Variants in CTNND2 observed in about 807,000 individuals in gnomAD.
The protein encoded by CTNND2 is catenin delta 2.
A neutral mutation model predicts 144.4 loss-of-function variants in CTNND2; 22 were observed. That is an observed-to-expected ratio of 0.15 (90% confidence interval 0.11 to 0.22). The LOEUF (loss-of-function observed/expected upper bound fraction) is 0.22, where lower values mean the gene tolerates loss of function less well. CTNND2 is among the 10% of genes least tolerant of loss of function. CTNND2 has a pLI of 1.00. For missense variants in CTNND2, 1,353 were observed against 1,618.8 expected (o/e 0.84, Z 2.82); for synonymous variants, 751 against 695.6 (o/e 1.08, Z -1.25).
chr5:11,364,957 GACA>G, intron 7 of CTNND2, 67 bp from the exon 8 acceptor site: 1 of 1,387,194 alleles, frequency 7.2e-7, no homozygotes. Context: ...TTTAATCAAA[GACA>G]TATTCAAATT....
At chr5:11,723,822 C>T (rs1017204046) in intron 2 of CTNND2, among the ~76,000 whole-genome samples, 4 of 151,730 alleles carry the variant, frequency 2.6e-5, no homozygotes, top group Non-Finnish European at 4.4e-5. Context: ...TTTGGGAGGC[C>T]GAGGTGGGCA....
chr5:11,219,277 A>T (rs1429264569), intron 10 of CTNND2, among the ~76,000 whole-genome samples: 1 of 152,218 alleles, frequency 6.6e-6, no homozygotes, highest in Non-Finnish European at 1.5e-5. Flanking sequence ...AATCAAATGG[A>T]GTTAAAATCT....
chr5:11,414,505 A>G (rs1761779537), intron 3 of CTNND2, among the ~76,000 whole-genome samples: 1 of 152,224 alleles, frequency 6.6e-6, no homozygotes, highest in South Asian at 2.1e-4. Context: ...TAGATGGGGA[A>G]TAACAGATTT....
chr5:11,051,084 GC>G (rs1297907960), intron 16 of CTNND2, among the ~76,000 whole-genome samples: 2 of 152,198 alleles, frequency 1.3e-5, no homozygotes, highest in Admixed American at 1.3e-4. Flanking sequence ...TTTCCACAAA[GC>G]CTGCCCTACC....
Position 11,322,557 on chromosome 5 carries a change from A to G in CTNND2, c.1628+23815T>C, listed in dbSNP as rs137908591. On this transcript the variant is annotated intron_variant, in intron 9 of 21. Transcript: ENST00000304623. ...AAAGCAACAAAGCTACACTGGGTTGATTCATTTTTCAATATTTTATGAAAT... is the reference window on the plus strand; with the variant it reads ...AAAGCAACAAAGCTACACTGGGTTGGTTCATTTTTCAATATTTTATGAAAT... Among the ~76,000 whole-genome samples the G allele has an allele frequency of 4.2e-3, 642 of 152,278 alleles. 6 individuals are homozygous for G. Among genetic ancestry groups the G allele is most frequent in the African/African-American group, 0.015 (620 of 41,554 alleles).
chr5:11,899,048 C>CA (rs1351719795), intron 1 of CTNND2, among the ~76,000 whole-genome samples: 3 of 152,114 alleles, frequency 2.0e-5, no homozygotes, highest in Admixed American at 6.5e-5. Flanking sequence ...TGAAACAAAG[C>CA]AAAAATGACC....
intron 8 of CTNND2, among the ~76,000 whole-genome samples, chr5:11,350,517 T>G (rs1235856816): frequency 6.6e-6 from 1 of 152,158 alleles, no homozygotes; most frequent in Non-Finnish European, 1.5e-5. Flanking sequence ...CACAATCATG[T>G]GTAGTTTCAG....
In CTNND2 at chr5:11,346,404, G is replaced by T; in HGVS notation, c.1596C>A (p.Ser532=). ...CTTTCTGAATGCTATCAATGGACGG[G>T]GACCTGGCCAAGGTGCCTTCAGGCG... ...ALPPEGTLAR[S]PSIDSIQKDP... is the part of the protein sequence containing the mutation. The change falls in exon 9 of 22, where the codon TCC becomes TCA. Residue 532 remains serine, a synonymous_variant. Transcript: ENST00000304623. The T allele has an allele frequency of 6.6e-7, 1 of 1,509,984 alleles. No individual in the cohort carries two copies. The highest frequency in any genetic ancestry group is 1.4e-5 in the African/African-American group (1 of 70,890). 93.5% of individuals were successfully genotyped at this position (1,509,984 alleles called of 1,614,324 possible). A position where few individuals can be genotyped will look rare whatever the true frequency, so the allele number is the denominator to read the frequency against.
intron 2 of CTNND2, among the ~76,000 whole-genome samples, chr5:11,673,693 C>A (rs1784022555): frequency 1.3e-5 from 2 of 151,858 alleles, no homozygotes; most frequent in South Asian, 2.1e-4. Context: ...CTGATTTATT[C>A]AATATTAGAA....
At chr5:11,830,504 T>A (rs923155132) in intron 1 of CTNND2, among the ~76,000 whole-genome samples, 3 of 152,228 alleles carry the variant, frequency 2.0e-5, no homozygotes, top group African/African-American at 7.2e-5. Context: ...TCCCTTTGCC[T>A]GCTGCCATCC....
chr5:11,593,856 T>G (rs2150145359), intron 2 of CTNND2, among the ~76,000 whole-genome samples: 1 of 148,900 alleles, frequency 6.7e-6, no homozygotes, highest in African/African-American at 2.5e-5. Flanking sequence ...GTACAAAATT[T>G]TAACCACTAT....
intron 3 of CTNND2, among the ~76,000 whole-genome samples, chr5:11,443,342 G>A (rs1764491448): frequency 1.5e-5 from 1 of 68,076 alleles, no homozygotes; most frequent in African/African-American, 7.0e-5. Context: ...GTGTGTGTGG[G>A]GAGTGTGTGG....
At chr5:11,575,576 T>C (rs1380219988) in intron 2 of CTNND2, among the ~76,000 whole-genome samples, 3 of 152,198 alleles carry the variant, frequency 2.0e-5, no homozygotes, top group African/African-American at 7.2e-5. Flanking sequence ...CAAAGTATGA[T>C]GTTTATCCTT....
chr5:11,407,895 G>A (rs2149832881), intron 5 of CTNND2, among the ~76,000 whole-genome samples: 1 of 151,878 alleles, frequency 6.6e-6, no homozygotes, highest in Non-Finnish European at 1.5e-5. Context: ...CGAGGAGGAT[G>A]CTGTGCTGAT....
chr5:11,258,901 ATTC>A (rs1744563012), intron 9 of CTNND2, among the ~76,000 whole-genome samples: 1 of 151,982 alleles, frequency 6.6e-6, no homozygotes, highest in Non-Finnish European at 1.5e-5. Context: ...TAATTAGGAG[ATTC>A]TTATGTCTCC....
chr5:11,605,554 T>C (rs1048300365), intron 2 of CTNND2, among the ~76,000 whole-genome samples: 3 of 152,200 alleles, frequency 2.0e-5, no homozygotes, highest in Non-Finnish European at 4.4e-5. Context: ...AGTGACATGA[T>C]CTTGCAGGTG....
intron 1 of CTNND2, among the ~76,000 whole-genome samples, chr5:11,835,393 T>C (rs1051653162): frequency 3.3e-5 from 5 of 152,206 alleles, no homozygotes; most frequent in African/African-American, 9.6e-5. Context: ...TGTTATTTCA[T>C]CTTTAAATAT....
At chr5:11,880,613 CACT>C (rs1041844533) in intron 1 of CTNND2, among the ~76,000 whole-genome samples, 8 of 44,416 alleles carry the variant, frequency 1.8e-4, no homozygotes, top group African/African-American at 4.7e-4. Context: ...CTACTACTAC[CACT>C]ACTACTGCTA....
At chr5:11,575,975 C>T (rs1335672968) in intron 2 of CTNND2, among the ~76,000 whole-genome samples, 2 of 152,150 alleles carry the variant, frequency 1.3e-5, no homozygotes, top group Non-Finnish European at 1.5e-5. Context: ...CCAAAATCAA[C>T]CAAATCCTAC....
Sources: allele counts gnomAD v4.1 joint callset (sites outside exome capture counted in the v4.1 genomes callset), GRCh38; gene constraint gnomAD v4.1.1; transcripts MANE v1.5; gene names NCBI Gene and HGNC (gene_info 2026-07-23, HGNC 2026-07-21).